STIM2: variants seen among roughly 807,000 people sequenced by gnomAD.
STIM2 encodes stromal interaction molecule 2.
In STIM2, 31 loss-of-function variants were observed where a neutral mutation model predicts 85.8. The ratio of observed to expected loss-of-function variants is 0.36; its 90% CI spans 0.27 to 0.49. The LOEUF is 0.49. STIM2 is among the 20% of genes least tolerant of loss of function. STIM2 has a pLI of 0.98. For missense variants in STIM2, 841 were observed against 927.6 expected (o/e 0.91, Z 1.21); for synonymous variants, 356 against 331.1 (o/e 1.08, Z -0.82).
chr4:26,989,634 T>G (rs1290205634), intron 3 of STIM2, among the ~76,000 whole-genome samples: 1 of 152,060 alleles, frequency 6.6e-6, no homozygotes, highest in East Asian at 1.9e-4. Context: ...GCAAAAGAAA[T>G]AAATAAAAGG....
At chr4:26,954,260 A>G (rs560677803) in intron 2 of STIM2, among the ~76,000 whole-genome samples, 22 of 152,286 alleles carry the variant, frequency 1.4e-4, no homozygotes, top group African/African-American at 5.3e-4. Context: ...TTTCAGTGGT[A>G]CTAGAAGAGT....
At chr4:26,880,755 G>A (rs1051023076) in intron 1 of STIM2, among the ~76,000 whole-genome samples, 18 of 149,326 alleles carry the variant, frequency 1.2e-4, no homozygotes, top group African/African-American at 4.4e-4. Context: ...AATTAAGCTA[G>A]AGGAAATATT....
intron 10 of STIM2, 55 bp downstream of exon 10, chr4:27,009,057 C>T: frequency 2.0e-6 from 3 of 1,489,630 alleles, no homozygotes; most frequent in African/African-American, 2.8e-5. Context: ...TAATTTTCTC[C>T]TATGTCCTTT....
At chr4:26,981,732 T>C (rs1357394930) in intron 3 of STIM2, among the ~76,000 whole-genome samples, 1 of 152,210 alleles carries the variant, frequency 6.6e-6, no homozygotes, top group Non-Finnish European at 1.5e-5. Flanking sequence ...AACATCACTT[T>C]TGTAGTAAAT....
chr4:26,941,886 C>G (rs1469984227), intron 2 of STIM2, among the ~76,000 whole-genome samples: 2 of 152,212 alleles, frequency 1.3e-5, no homozygotes, highest in East Asian at 3.9e-4. Flanking sequence ...GAAAACTACA[C>G]ACTCAATTGT....
At chr4:26,985,449 T>A (rs1183151231) in intron 3 of STIM2, among the ~76,000 whole-genome samples, 1 of 152,212 alleles carries the variant, frequency 6.6e-6, no homozygotes, top group Non-Finnish European at 1.5e-5. Flanking sequence ...CTGTGTTGTT[T>A]TAGAATATGG....
intron 1 of STIM2, among the ~76,000 whole-genome samples, chr4:26,879,844 A>C (rs190574096): frequency 6.0e-4 from 91 of 152,018 alleles, no homozygotes; most frequent in African/African-American, 2.1e-3. Context: ...CCACATTCTG[A>C]CCTCCTGCCA....
At chr4:26,883,959 A>G (rs1036455952) in intron 1 of STIM2, among the ~76,000 whole-genome samples, 1 of 152,226 alleles carries the variant, frequency 6.6e-6, no homozygotes, top group Admixed American at 6.5e-5. Context: ...GAACAGTAGT[A>G]TTATCAGATT....
chr4:26,917,832 T>C (rs1206527625), intron 1 of STIM2, among the ~76,000 whole-genome samples: 1 of 152,204 alleles, frequency 6.6e-6, no homozygotes, highest in South Asian at 2.1e-4. Flanking sequence ...ACGTATTATA[T>C]ACAGATCTTT....
intron 2 of STIM2, among the ~76,000 whole-genome samples, chr4:26,932,812 C>T (rs1725251801): frequency 6.6e-6 from 1 of 152,130 alleles, no homozygotes; most frequent in Non-Finnish European, 1.5e-5. Context: ...AACTTCGGTT[C>T]AGCAGTCTTT....
chr4:26,922,680 A>G (rs1054727499), intron 2 of STIM2, among the ~76,000 whole-genome samples: 1 of 152,062 alleles, frequency 6.6e-6, no homozygotes, highest in Non-Finnish European at 1.5e-5. Flanking sequence ...GTTTTTGTAG[A>G]GCTCAGTTTT....
chr4:26,954,428 C>T (rs560927819), intron 2 of STIM2, among the ~76,000 whole-genome samples: 4 of 127,534 alleles, frequency 3.1e-5, no homozygotes, highest in East Asian at 1.9e-4. Context: ...CATTATTTGC[C>T]GTACATTATT....
chr4:27,004,888 G>A (rs1323376159), intron 7 of STIM2, among the ~76,000 whole-genome samples: 1 of 152,176 alleles, frequency 6.6e-6, no homozygotes, highest in Non-Finnish European at 1.5e-5. Context: ...TACACACATT[G>A]CCAGTGGTTT....
chr4:26,972,744 G>T (rs1041686541), intron 3 of STIM2, among the ~76,000 whole-genome samples: 4 of 152,188 alleles, frequency 2.6e-5, no homozygotes, highest in Admixed American at 2.0e-4. Context: ...TCAGGTTGAT[G>T]CTGGCCTCAT....
chr4:26,920,671 G>T (rs1333067411), intron 2 of STIM2, among the ~76,000 whole-genome samples: 1 of 152,074 alleles, frequency 6.6e-6, no homozygotes, highest in Non-Finnish European at 1.5e-5. Context: ...TTCTTGGCTT[G>T]CTATACAAAA....
chr4:26,918,723 A>G (rs766196528), intron 1 of STIM2, among the ~76,000 whole-genome samples: 1 of 152,178 alleles, frequency 6.6e-6, no homozygotes, highest in African/African-American at 2.4e-5. Flanking sequence ...AGTTATGTGC[A>G]CAGGAAGTAA....
intron 3 of STIM2, among the ~76,000 whole-genome samples, chr4:26,972,169 A>T (rs778573367): frequency 9.9e-5 from 15 of 152,160 alleles, no homozygotes; most frequent in Non-Finnish European, 1.9e-4. Context: ...CTAAATATAC[A>T]ATCATGTCAT....
intron 2 of STIM2, among the ~76,000 whole-genome samples, chr4:26,920,142 A>G (rs1724744327): frequency 6.6e-6 from 1 of 152,120 alleles, no homozygotes; most frequent in Non-Finnish European, 1.5e-5. Context: ...ACCTCTCATC[A>G]TTCAGGAGCC....
intron 4 of STIM2, among the ~76,000 whole-genome samples, chr4:26,995,958 T>TA (rs1398530004): frequency 6.6e-6 from 1 of 152,086 alleles, no homozygotes; most frequent in Non-Finnish European, 1.5e-5. Flanking sequence ...GCAACCATTT[T>TA]AAAATGTATG....
Sources: allele counts gnomAD v4.1 joint callset (sites outside exome capture counted in the v4.1 genomes callset), GRCh38; gene constraint gnomAD v4.1.1; transcripts MANE v1.5; gene names NCBI Gene and HGNC (gene_info 2026-07-23, HGNC 2026-07-21).